The following ONECUT2 variants were observed in gnomAD, a reference collection of about 807,000 sequenced individuals.
ONECUT2 encodes the protein one cut homeobox 2.
A neutral mutation model predicts 27.9 loss-of-function variants in ONECUT2; 10 were observed. That is an observed-to-expected ratio of 0.36 (90% confidence interval 0.22 to 0.61). The LOEUF (loss-of-function observed/expected upper bound fraction) is 0.61. ONECUT2 is among the 20% of genes least tolerant of loss of function. The probability of loss-of-function intolerance (pLI) is 0.73; values close to 1 mark genes in which losing one functional copy is unlikely to be tolerated. For missense variants in ONECUT2, 686 were observed against 721.0 expected, an observed-to-expected ratio of 0.95 and a Z score of 0.56; for synonymous variants, 334 against 315.1, an observed-to-expected ratio of 1.06 and a Z score of -0.64.
Position 57,435,703 on chromosome 18 carries a change from C to T in ONECUT2, c.-14C>T. On this transcript the variant is annotated 5_prime_UTR_variant, in exon 1 of 2. Coordinates refer to ENST00000491143, the MANE Select transcript of ONECUT2 (RefSeq NM_004852.3). Reference sequence around the variant, plus strand: ...CCCCGCCGCCCCCGCCGCCCCCGGGCCCTGATGGACTGAATGAAGGCTGCC... The same window carrying T: ...CCCCGCCGCCCCCGCCGCCCCCGGGTCCTGATGGACTGAATGAAGGCTGCC... The T allele has an allele frequency of 9.8e-7, 1 of 1,025,482 alleles. No homozygotes were observed. The highest frequency in any genetic ancestry group is 1.2e-6 in the Non-Finnish European group (1 of 809,934). 63.5% of individuals were successfully genotyped at this position (1,025,482 alleles called of 1,614,324 possible).
intron 1 of ONECUT2, among the ~76,000 whole-genome samples, chr18:57,442,243 G>GTTT (rs1568118321): frequency 0.013 from 1,615 of 127,424 alleles, 38 homozygotes; most frequent in African/African-American, 0.049. Flanking sequence ...AATTCTTCTG[G>GTTT]GTTTTTTTTT....
chr18:57,444,558 C>A (rs377256376), intron 1 of ONECUT2: 5 of 405,326 alleles, frequency 1.2e-5, no homozygotes, highest in African/African-American at 2.1e-5. Flanking sequence ...GGAGTCCCCA[C>A]CCCCCAGGGT....
chr18:57,441,614 G>T (rs975189048), intron 1 of ONECUT2, among the ~76,000 whole-genome samples: 5 of 152,276 alleles, frequency 3.3e-5, no homozygotes, highest in African/African-American at 1.2e-4. Context: ...TGCGCTGAAC[G>T]GTGCCCGAGT....
At chr18:57,456,207 C>T (rs1225241443) in intron 1 of ONECUT2, among the ~76,000 whole-genome samples, 1 of 152,150 alleles carries the variant, frequency 6.6e-6, no homozygotes, top group Admixed American at 6.5e-5. Flanking sequence ...TGTGAGTTAT[C>T]ACATGACCCA....
At chr18:57,472,125 A>G (rs930718654) in intron 1 of ONECUT2, among the ~76,000 whole-genome samples, 5 of 152,354 alleles carry the variant, frequency 3.3e-5, no homozygotes, top group Middle Eastern at 6.8e-3. Flanking sequence ...GACTGAATCC[A>G]TCAATGCCAC....
chr18:57,451,026 A>T (rs774462909), intron 1 of ONECUT2, among the ~76,000 whole-genome samples: 1 of 152,194 alleles, frequency 6.6e-6, no homozygotes, highest in Non-Finnish European at 1.5e-5. Context: ...ACCTTTACAT[A>T]TCCATATGGA....
rs894086803 is a variant in ONECUT2 at position 57,479,645 on chromosome 18, A to C, written c.*2922A>C. 1 of 152,716 alleles carries C rather than the reference A, an allele frequency of 6.5e-6. No individual in the cohort carries two copies. Among genetic ancestry groups the C allele is most frequent in the Middle Eastern group, 3.4e-3 (1 of 294 alleles). 9.5% of individuals were successfully genotyped at this position (152,716 alleles called of 1,614,324 possible). ...TTTATTTGTATTCGGAGTCATCTCT[A>C]TTCTATCCCTCAGCCTCGATTAAGG... On this transcript the variant is annotated 3_prime_UTR_variant, in exon 2 of 2. Coordinates refer to ENST00000491143, the MANE Select transcript of ONECUT2 (RefSeq NM_004852.3).
At chr18:57,463,923 T>C (rs556867825) in intron 1 of ONECUT2, among the ~76,000 whole-genome samples, 2 of 152,212 alleles carry the variant, frequency 1.3e-5, no homozygotes, top group Non-Finnish European at 2.9e-5. Context: ...CTGGCCACCT[T>C]ACTGAACTTT....
Position 57,491,267 on chromosome 18 carries a change from T to G in ONECUT2, c.*14544T>G, listed in dbSNP as rs1318119539. The stretch of plus-strand genomic sequence containing the variant: ...AATGGTAGTGCTGTAAATTCTGCAA[T>G]TAATGTTAAATAAACTGCTTTAATT... On this transcript the variant is annotated 3_prime_UTR_variant, in exon 2 of 2. Transcript: ENST00000491143. 1 of 152,696 alleles carries G rather than the reference T, an allele frequency of 6.5e-6. No homozygotes were observed. Among genetic ancestry groups the G allele is most frequent in the Non-Finnish European group, 1.5e-5 (1 of 68,046 alleles). 9.5% of individuals were successfully genotyped at this position (152,696 alleles called of 1,614,324 possible).
intron 1 of ONECUT2, among the ~76,000 whole-genome samples, chr18:57,473,471 A>T (rs185535339): frequency 2.0e-4 from 31 of 152,296 alleles, no homozygotes; most frequent in African/African-American, 7.0e-4. Flanking sequence ...CCTTATTTAG[A>T]TGAGGAAGAC....
At chr18:57,441,938 A>G (rs2050176542) in intron 1 of ONECUT2, among the ~76,000 whole-genome samples, 1 of 152,218 alleles carries the variant, frequency 6.6e-6, no homozygotes, top group Non-Finnish European at 1.5e-5. Flanking sequence ...ACAGGAAGTA[A>G]GAGAAGCAAA....
chr18:57,463,970 A>T (rs1213559096), intron 1 of ONECUT2, among the ~76,000 whole-genome samples: 1 of 151,534 alleles, frequency 6.6e-6, no homozygotes, highest in East Asian at 1.9e-4. Flanking sequence ...CAAAATCTTG[A>T]GTTTTCTAGG....
At chr18:57,465,321 G>A (rs1038798862) in intron 1 of ONECUT2, among the ~76,000 whole-genome samples, 3 of 152,016 alleles carry the variant, frequency 2.0e-5, no homozygotes, top group African/African-American at 4.8e-5. Flanking sequence ...CACCACCCAC[G>A]CCTGGCTAAT....
intron 1 of ONECUT2, chr18:57,444,435 GCA>G (rs1568118784): frequency 2.2e-6 from 1 of 456,726 alleles, no homozygotes; most frequent in Admixed American, 2.3e-5. Context: ...TGGGTGGGTA[GCA>G]AGCCTTTCCT....
Position 57,484,953 on chromosome 18 carries a change from A to G in ONECUT2, c.*8230A>G, listed in dbSNP as rs781393539. 3.3e-5 allele frequency: 5 copies of G among 152,074 alleles called. No homozygotes were observed. Among genetic ancestry groups the G allele is most frequent in the Non-Finnish European group, 5.9e-5 (4 of 68,022 alleles). The allele number at this position is 152,074 out of a possible 1,614,324, so 9.4% of individuals were successfully genotyped here. ...TTCAGCTGTAAAATTAGTCACAAGC[A>G]TTTTCAGTGTCCCATTAGTACATAG... On this transcript the variant is annotated 3_prime_UTR_variant, in exon 2 of 2. Transcript: ENST00000491143.
chr18:57,435,656 GCCTTGCCCGCCCGCC>G lies in ONECUT2; in HGVS notation c.-60_-46del. 1.0e-6 allele frequency: 1 copy of G among 981,442 alleles called. No homozygotes were observed. Among genetic ancestry groups the G allele is most frequent in the Non-Finnish European group, 1.2e-6 (1 of 820,254 alleles). The allele number at this position is 981,442 out of a possible 1,614,324, so 60.8% of individuals were successfully genotyped here. ...CCCGCAGCCGAGCCCCGCCACGCGC[GCCTTGCCCGCCCGCC>G]GGCCGCCCCCGCCGCCCCCGCCGCC... On this transcript the variant is annotated 5_prime_UTR_variant, in exon 1 of 2. Transcript: ENST00000491143.
chr18:57,489,966 C>G lies in ONECUT2; in HGVS notation c.*13243C>G, dbSNP rs2050457019. The G allele has an allele frequency of 6.6e-6, 1 of 152,174 alleles. No homozygotes were observed. The highest frequency in any genetic ancestry group is 2.4e-5 in the African/African-American group (1 of 41,452). 9.4% of individuals were successfully genotyped at this position (152,174 alleles called of 1,614,324 possible). Reference sequence around the variant, plus strand: ...TCGTATCTTCGATCACCTAACCTTTCTCAATCCAAGAGCAGTTCAGTCTTT... The same window carrying G: ...TCGTATCTTCGATCACCTAACCTTTGTCAATCCAAGAGCAGTTCAGTCTTT... On this transcript the variant is annotated 3_prime_UTR_variant, in exon 2 of 2. Coordinates refer to ENST00000491143, the MANE Select transcript of ONECUT2 (RefSeq NM_004852.3).
At chr18:57,460,193 G>A (rs891745204) in intron 1 of ONECUT2, among the ~76,000 whole-genome samples, 2 of 151,880 alleles carry the variant, frequency 1.3e-5, no homozygotes, top group Admixed American at 6.6e-5. Flanking sequence ...TGTGTGCTGG[G>A]GTTATAGGCG....
intron 1 of ONECUT2, among the ~76,000 whole-genome samples, chr18:57,448,509 A>T (rs1355180574): frequency 1.3e-5 from 2 of 152,358 alleles, no homozygotes; most frequent in Non-Finnish European, 2.9e-5. Context: ...TCTGAATCAG[A>T]TATAAAAATG....
Sources: allele counts gnomAD v4.1 joint callset (sites outside exome capture counted in the v4.1 genomes callset), GRCh38; gene constraint gnomAD v4.1.1; transcripts MANE v1.5; gene names NCBI Gene and HGNC (gene_info 2026-07-23, HGNC 2026-07-21).